Variants in UCHL5 observed in about 807,000 individuals in gnomAD.
The protein encoded by UCHL5 is ubiquitin carboxyl-terminal hydrolase isozyme L5.
A neutral mutation model predicts 53.8 loss-of-function variants in UCHL5; 34 were observed. That is an observed-to-expected ratio of 0.63 (90% CI 0.48 to 0.84). UCHL5 has a LOEUF of 0.84. Among genes scored for constraint, UCHL5 ranks in the 40% least tolerant of loss-of-function variants. The pLI, the probability that UCHL5 is intolerant of heterozygous loss-of-function variation, is 0.00. For synonymous variants in UCHL5, 111 were observed against 126.3 expected, an observed-to-expected ratio of 0.88 and a Z score of 0.81; for missense variants, 290 against 385.6, an observed-to-expected ratio of 0.75 and a Z score of 2.08.
intron 3 of UCHL5, among the ~76,000 whole-genome samples, chr1:193,037,921 CTTGA>C (rs1664132385): frequency 6.7e-6 from 1 of 148,460 alleles, no homozygotes. Context: ...GGTCATTTAC[CTTGA>C]TTAAGTAAGA....
chr1:193,045,336 C>T (rs1667004876), intron 3 of UCHL5, among the ~76,000 whole-genome samples: 1 of 152,204 alleles, frequency 6.6e-6, no homozygotes, highest in African/African-American at 2.4e-5. Context: ...ATGTAATCCC[C>T]AATGCTGAAG....
At chr1:193,023,705 G>C (rs887057222) in intron 8 of UCHL5, 139 bp downstream of exon 8, 1 of 650,368 alleles carries the variant, frequency 1.5e-6, no homozygotes. Context: ...GCCAGGAACC[G>C]AATCTAGGCA....
At chr1:193,019,152 T>C (rs551837119) in intron 10 of UCHL5, among the ~76,000 whole-genome samples, 1 of 151,570 alleles carries the variant, frequency 6.6e-6, no homozygotes, top group African/African-American at 2.4e-5. Flanking sequence ...GGATGTGAAA[T>C]TTTAAGTGGC....
intron 10 of UCHL5, chr1:193,018,553 C>T (rs1173696219): frequency 4.3e-6 from 5 of 1,171,518 alleles, no homozygotes; most frequent in Non-Finnish European, 5.3e-6. Context: ...GTTAAAAAGT[C>T]TCACATAACA....
rs968431449 is a variant in UCHL5, at chr1:193,020,425, T to G, written c.942+672A>C. The stretch of plus-strand genomic sequence containing the variant: ...TTGCATTAGAATCACTTGGGGAACT[T>G]ATTAAAGAATCCTTCCCCTATATCA... On this transcript the variant is annotated intron_variant, in intron 10 of 10. Coordinates refer to ENST00000367454, the MANE Select transcript of UCHL5 (RefSeq NM_001199261.3). The G allele has an allele frequency of 2.6e-6, 4 of 1,545,378 alleles. No individual in the cohort carries two copies. In the African/African-American group the frequency reaches 5.5e-5, roughly 21 times the overall value.
At chr1:193,031,292 C>A (rs1661276408) in intron 3 of UCHL5, among the ~76,000 whole-genome samples, 1 of 152,122 alleles carries the variant, frequency 6.6e-6, no homozygotes, top group Non-Finnish European at 1.5e-5. Context: ...CACATTCTTT[C>A]AAAATCAAGA....
At chr1:193,055,513 C>T (rs77333031) in intron 1 of UCHL5, among the ~76,000 whole-genome samples, 4,313 of 152,284 alleles carry the variant, frequency 0.028, 100 homozygotes, top group Non-Finnish European at 0.044. Flanking sequence ...TATCTCTAAA[C>T]CAAAAGTTGT....
upstream of UCHL5, chr1:193,059,673 G>A (rs1409836819): frequency 7.3e-7 from 1 of 1,370,290 alleles, no homozygotes; most frequent in South Asian, 1.2e-5. This position sits in a 1 kb window ranked among gnomAD's most constrained non-coding sequence, Gnocchi z 4.9. Flanking sequence ...CTGTTGCTGT[G>A]GCTGTCGCTG....
At chr1:193,027,954 C>G (rs1659950725) in intron 7 of UCHL5, 131 bp downstream of exon 7, 2 of 1,493,502 alleles carry the variant, frequency 1.3e-6, no homozygotes, top group Non-Finnish European at 1.8e-6. Flanking sequence ...GAAAACCCGT[C>G]TCTACGAAAA....
chr1:193,051,160 G>A (rs1191429693), intron 2 of UCHL5, among the ~76,000 whole-genome samples: 1 of 152,112 alleles, frequency 6.6e-6, no homozygotes, highest in Non-Finnish European at 1.5e-5. Context: ...TCCCACCAGT[G>A]AAAATTCCTC....
At chr1:193,032,466 G>A (rs1049930019) in intron 3 of UCHL5, among the ~76,000 whole-genome samples, 1 of 152,066 alleles carries the variant, frequency 6.6e-6, no homozygotes, top group African/African-American at 2.4e-5. Flanking sequence ...CATAGGTATG[G>A]GCAAAGACTT....
chr1:193,045,233 C>T (rs76320587), intron 3 of UCHL5, among the ~76,000 whole-genome samples: 2,925 of 152,298 alleles, frequency 0.019, 92 homozygotes, highest in African/African-American at 0.066. Context: ...AAATCCCTAA[C>T]TCCCAGGTTT....
Position 193,029,427 on chromosome 1 carries a change from T to C in UCHL5, c.395A>G (p.Asn132Ser). ...DAAMKGLALS[N>S]SDVIRQVHNS... is the part of the protein sequence containing the mutation. Reference sequence around the variant, plus strand: ...GTGTACTTGTCGAATCACATCTGAATTGCTCAGTGCCAAGCCTTTCATCTA... The same window carrying C: ...GTGTACTTGTCGAATCACATCTGAACTGCTCAGTGCCAAGCCTTTCATCTA... Residue 132 changes from asparagine to serine, a missense_variant, in exon 5 of 11, where the codon AAT (asparagine) becomes AGT (serine). Transcript: ENST00000367454. 6.2e-7 allele frequency: 1 copy of C among 1,613,776 alleles called. No homozygotes were observed.
At chr1:193,026,507 T>C (rs901678791) in intron 7 of UCHL5, among the ~76,000 whole-genome samples, 52 of 152,274 alleles carry the variant, frequency 3.4e-4, no homozygotes, top group Non-Finnish European at 7.4e-4. Context: ...TTCAACATCA[T>C]TAGTCATCAG....
chr1:193,027,076 A>G (rs188916995), intron 7 of UCHL5, among the ~76,000 whole-genome samples: 21 of 152,328 alleles, frequency 1.4e-4, no homozygotes, highest in African/African-American at 5.0e-4. Flanking sequence ...AGTAAAGGAA[A>G]GGGAAAGGCA....
Position 193,029,381 on chromosome 1 carries a change from T to G in UCHL5, c.434+7A>C, listed in dbSNP as rs1264258681. 6.2e-7 allele frequency: 1 copy of G among 1,613,732 alleles called. No individual in the cohort carries two copies. Among genetic ancestry groups the G allele is most frequent in the South Asian group, 1.1e-5 (1 of 91,060 alleles). On this transcript the variant is annotated splice_region_variant and intron_variant, in intron 5 of 10. Transcript: ENST00000367454. ...AACAGTATTTATTTAACATAAAGTC[T>G]CTTTACCTGGCGAAACTGTTGTGTA...
intron 7 of UCHL5, among the ~76,000 whole-genome samples, chr1:193,025,398 T>C (rs575526248): frequency 7.9e-5 from 12 of 152,318 alleles, no homozygotes; most frequent in African/African-American, 2.4e-4. Flanking sequence ...CTTTCATCCC[T>C]GCCATGTGGT....
chr1:193,033,336 A>T (rs916556043), intron 3 of UCHL5, among the ~76,000 whole-genome samples: 19 of 151,928 alleles, frequency 1.3e-4, no homozygotes, highest in African/African-American at 4.6e-4. Flanking sequence ...ATGAGAACGC[A>T]TGGGCACAGG....
At chr1:193,055,392 T>C (rs1303350467) in intron 1 of UCHL5, among the ~76,000 whole-genome samples, 3 of 152,188 alleles carry the variant, frequency 2.0e-5, no homozygotes, top group Admixed American at 1.3e-4. Context: ...GCCTCACTAC[T>C]TGTGCAGCAT....
Sources: gnomAD v4.1 joint callset for allele counts (sites outside exome capture counted in the v4.1 genomes callset) on GRCh38, gnomAD v4.1.1 for gene constraint, Gnocchi (gnomAD v3.1) non-coding constraint, MANE v1.5 for transcripts, NCBI Gene and HGNC (gene_info 2026-07-23, HGNC 2026-07-21) for gene names.